Variants in TRAPPC9 observed in about 807,000 individuals in gnomAD.
TRAPPC9 encodes the protein trafficking protein particle complex subunit 9.
In TRAPPC9, 83 loss-of-function variants were observed where a neutral mutation model predicts 124.0. The ratio of observed to expected loss-of-function variants is 0.67; its 90% CI spans 0.56 to 0.80. The LOEUF (loss-of-function observed/expected upper bound fraction) is 0.80. Among genes scored for constraint, TRAPPC9 ranks in the 30% least tolerant of loss-of-function variants. The probability of loss-of-function intolerance (pLI) is 0.00; values close to 1 mark genes in which losing one functional copy is unlikely to be tolerated. For missense variants in TRAPPC9, 1,302 were observed against 1,508.3 expected (o/e 0.86, Z 2.27); for synonymous variants, 638 against 617.5 (o/e 1.03, Z -0.49).
At chr8:140,160,248 A>G (rs12679555) in intron 17 of TRAPPC9, among the ~76,000 whole-genome samples, 27,597 of 152,146 alleles carry the variant, frequency 0.18, 3,265 homozygotes, top group East Asian at 0.44. Flanking sequence ...CGATCCCTCA[A>G]GGATCTAGAA....
rs376996966 is a variant in TRAPPC9, at chr8:140,339,953, C to A, written c.1495+20097G>T. On this transcript the variant is annotated intron_variant, in intron 9 of 22. Transcript: ENST00000438773. ...CACCTCCCAGGTTCAAGTGATTCTC[C>A]TGTCTCAGCCTCCCAAGTAGCTGGA... 2.0e-5 allele frequency among the ~76,000 whole-genome samples: 3 copies of A among 150,844 alleles called. No individual in the cohort carries two copies. The South Asian group carries it at 6.5e-4, about 33-fold the overall frequency.
chr8:139,947,905 T>TAGAGAG (rs1431867247), intron 19 of TRAPPC9, among the ~76,000 whole-genome samples: 1 of 43,352 alleles, frequency 2.3e-5, no homozygotes, highest in Non-Finnish European at 4.5e-5. Context: ...TATATATATA[T>TAGAGAG]ATAGAGAGAG....
rs1001970787 is a variant in TRAPPC9, at chr8:139,910,060, T to C, written c.2964+87A>G. The stretch of plus-strand genomic sequence containing the variant: ...TGAGCTACCTGTGGTGAAAATTCAA[T>C]AGCTAAGACCCTCACGGGTCTTTCT... On this transcript the variant is annotated intron_variant, in intron 20 of 22. Coordinates refer to ENST00000438773, the MANE Select transcript of TRAPPC9 (RefSeq NM_001160372.4). 4.0e-6 allele frequency: 6 copies of C among 1,488,878 alleles called. No individual in the cohort carries two copies. In the African/African-American group the frequency reaches 4.2e-5, roughly 10 times the overall value. The allele number at this position is 1,488,878 out of a possible 1,614,324, so 92.2% of individuals were successfully genotyped here.
At chr8:140,384,100 G>C (rs1005519969) in intron 7 of TRAPPC9, among the ~76,000 whole-genome samples, 2 of 152,074 alleles carry the variant, frequency 1.3e-5, no homozygotes, top group Admixed American at 1.3e-4. Context: ...ATCCTTTACA[G>C]ACAAGCAAAT....
intron 19 of TRAPPC9, among the ~76,000 whole-genome samples, chr8:139,983,739 T>C (rs1436375021): frequency 6.6e-6 from 1 of 152,000 alleles, no homozygotes; most frequent in Non-Finnish European, 1.5e-5. Context: ...GAGCAGAAAG[T>C]GGGAAATAAA....
At chr8:139,859,013 G>A (rs751956966) in intron 21 of TRAPPC9, among the ~76,000 whole-genome samples, 1 of 150,838 alleles carries the variant, frequency 6.6e-6, no homozygotes, top group Non-Finnish European at 1.5e-5. Context: ...GTCTTCATGG[G>A]TTCTCCCTCC....
At chr8:140,335,747 C>T (rs1439002383) in intron 9 of TRAPPC9, among the ~76,000 whole-genome samples, 3 of 136,136 alleles carry the variant, frequency 2.2e-5, no homozygotes, top group East Asian at 4.3e-4. Flanking sequence ...CGCTTTGTCA[C>T]CCAGGCTGGA....
chr8:140,107,315 T>C (rs2060685175), intron 17 of TRAPPC9, among the ~76,000 whole-genome samples: 1 of 152,190 alleles, frequency 6.6e-6, no homozygotes, highest in Non-Finnish European at 1.5e-5. Flanking sequence ...GGAAGGCTTT[T>C]TACGGTCATT....
In TRAPPC9 at chr8:140,081,737, C is replaced by A. The variant is rs1426960299; in HGVS notation, c.2557-57658G>T. Among the ~76,000 whole-genome samples the A allele has an allele frequency of 2.9e-4, 44 of 152,142 alleles. 2 individuals carry two copies. The highest frequency in any genetic ancestry group is 2.9e-3 in the Admixed American group (44 of 15,274). ...TGAGGGAAAACCATGTCAAGTCGCA[C>A]GTTCTTTTGGGGCGGGGACCAGAAA... On this transcript the variant is annotated intron_variant, in intron 17 of 22. Transcript: ENST00000438773.
At chr8:140,026,931 T>A (rs981620608) in intron 17 of TRAPPC9, among the ~76,000 whole-genome samples, 3 of 152,208 alleles carry the variant, frequency 2.0e-5, no homozygotes, top group Non-Finnish European at 4.4e-5. Flanking sequence ...AAATCCTTTT[T>A]TCATTCCCTT....
At chr8:140,070,972 C>T (rs10110444) in intron 17 of TRAPPC9, among the ~76,000 whole-genome samples, 51,268 of 151,972 alleles carry the variant, frequency 0.34, 11,019 homozygotes, top group African/African-American at 0.61. Context: ...GCCTTGGCAG[C>T]ACTCGGCCAG....
chr8:140,434,049 T>C, intron 4 of TRAPPC9, among the ~76,000 whole-genome samples: 1 of 152,222 alleles, frequency 6.6e-6, no homozygotes, highest in South Asian at 2.1e-4. Context: ...GAGTGGCTGC[T>C]TTCCGCAACC....
intron 21 of TRAPPC9, among the ~76,000 whole-genome samples, chr8:139,769,525 A>G (rs1253680163): frequency 1.3e-5 from 2 of 152,244 alleles, no homozygotes; most frequent in African/African-American, 2.4e-5. Flanking sequence ...GGAATTTTCC[A>G]TTTCACATTT....
Position 140,324,181 on chromosome 8 carries a change from C to A in TRAPPC9, c.1496-12807G>T, listed in dbSNP as rs183794750. Among the ~76,000 whole-genome samples, 5 of 152,176 alleles carry A rather than the reference C, an allele frequency of 3.3e-5. No individual in the cohort carries two copies. In the East Asian group the frequency reaches 7.7e-4, roughly 24 times the overall value. Reference sequence around the variant, plus strand: ...GAAACAACCTTTAAATATGAAGACACAGACTGAAAATAAAAGGATGGGGGG... The same window carrying A: ...GAAACAACCTTTAAATATGAAGACAAAGACTGAAAATAAAAGGATGGGGGG... On this transcript the variant is annotated intron_variant, in intron 9 of 22. Transcript: ENST00000438773.
chr8:139,786,553 C>T (rs1418595606), intron 21 of TRAPPC9, among the ~76,000 whole-genome samples: 2 of 152,072 alleles, frequency 1.3e-5, no homozygotes, highest in Non-Finnish European at 2.9e-5. Context: ...AATTCTACTC[C>T]TAGGCAGTTA....
intron 16 of TRAPPC9, among the ~76,000 whole-genome samples, chr8:140,240,525 A>C (rs1434052984): frequency 6.6e-6 from 1 of 152,176 alleles, no homozygotes; most frequent in Non-Finnish European, 1.5e-5. Context: ...ACCGCCTGCC[A>C]TACACAGGTA....
At chr8:139,885,403 T>C (rs1243547668) in intron 21 of TRAPPC9, among the ~76,000 whole-genome samples, 1 of 152,186 alleles carries the variant, frequency 6.6e-6, no homozygotes, top group Non-Finnish European at 1.5e-5. Context: ...ACAGACAGCA[T>C]GAAAAGCTGT....
intron 21 of TRAPPC9, among the ~76,000 whole-genome samples, chr8:139,805,589 C>T (rs150126838): frequency 7.0e-4 from 107 of 152,282 alleles, no homozygotes; most frequent in African/African-American, 2.5e-3. Flanking sequence ...GCCAGGCTCC[C>T]CTACTGTCCA....
intron 21 of TRAPPC9, among the ~76,000 whole-genome samples, chr8:139,846,302 C>T (rs548303837): frequency 2.6e-5 from 4 of 152,166 alleles, no homozygotes; most frequent in Non-Finnish European, 4.4e-5. Flanking sequence ...TTCCACCCCC[C>T]ACCCCCCGCA....
Sources: allele counts gnomAD v4.1 joint callset (sites outside exome capture counted in the v4.1 genomes callset), GRCh38; gene constraint gnomAD v4.1.1; transcripts MANE v1.5; gene names NCBI Gene and HGNC (gene_info 2026-07-23, HGNC 2026-07-21).